CNIH1: variants seen among roughly 807,000 people sequenced by gnomAD.
CNIH1 encodes cornichon family member 1, also known as protein cornichon homolog 1.
In CNIH1, 12 loss-of-function variants were observed where a neutral mutation model predicts 20.2. The observed-to-expected ratio is 0.59, with a 90% CI of 0.38 to 0.96. CNIH1 has a LOEUF of 0.96. Ranked by LOEUF, CNIH1 falls within the 40% of genes least tolerant of loss-of-function variation. The pLI, the probability that CNIH1 is intolerant of heterozygous loss-of-function variation, is 0.00. For synonymous variants in CNIH1, 69 were observed against 63.3 expected, an observed-to-expected ratio of 1.09 and a Z score of -0.43; for missense variants, 152 against 178.8, an observed-to-expected ratio of 0.85 and a Z score of 0.85.
intron 2 of CNIH1, among the ~76,000 whole-genome samples, chr14:54,434,829 G>C (rs2031023961): frequency 6.6e-6 from 1 of 152,168 alleles, no homozygotes. Context: ...TCCAAGAGAA[G>C]GCAAATTCAT....
chr14:54,441,146 G>T, intron 1 of CNIH1, 101 bp downstream of exon 1: 1 of 1,195,738 alleles, frequency 8.4e-7, no homozygotes, highest in Non-Finnish European at 1.1e-6. Flanking sequence ...CATCCCCGAC[G>T]CGCAAAGCCC....
rs985631524 is a variant in CNIH1, at chr14:54,426,098, G to A, written c.*1716C>T. ...CCTGTGCTCAAAGCATGAATCTTGA[G>A]AGCCCAGCAAGTACTCAATAAATAA... is the stretch of plus-strand genomic sequence containing the variant. On this transcript the variant is annotated 3_prime_UTR_variant, in exon 5 of 5. Coordinates refer to ENST00000216416, the MANE Select transcript of CNIH1 (RefSeq NM_005776.3). 6.6e-6 allele frequency: 1 copy of A among 152,196 alleles called. No individual in the cohort carries two copies. The highest frequency in any genetic ancestry group is 1.5e-5 in the Non-Finnish European group (1 of 68,030). The allele number at this position is 152,196 out of a possible 1,614,324, so 9.4% of individuals were successfully genotyped here. A position where few individuals can be genotyped will look rare whatever the true frequency, so the allele number is the denominator to read the frequency against.
chr14:54,427,512 A>G lies in CNIH1; in HGVS notation c.*302T>C. The G allele has an allele frequency of 2.8e-6, 1 of 351,192 alleles. No homozygotes were observed. The highest frequency in any genetic ancestry group is 5.1e-6 in the Non-Finnish European group (1 of 194,746). The allele number at this position is 351,192 out of a possible 1,614,324, so 21.8% of individuals were successfully genotyped here. ...TACTAGGACAGTCAGTAATTAATGC[A>G]TCATTCAGAGGATTATGGCTGTTCC... On this transcript the variant is annotated 3_prime_UTR_variant, in exon 5 of 5. Coordinates refer to ENST00000216416, the MANE Select transcript of CNIH1 (RefSeq NM_005776.3).
At position 54,424,757 on chromosome 14, in the gene CNIH1, TAA is replaced by T. The variant is rs2030793585; in HGVS notation, c.*3055_*3056del. 1 of 152,198 alleles carries T rather than the reference TAA, an allele frequency of 6.6e-6. No individual in the cohort carries two copies. Among genetic ancestry groups the T allele is most frequent in the African/African-American group, 2.4e-5 (1 of 41,450 alleles). The allele number at this position is 152,198 out of a possible 1,614,324, so 9.4% of individuals were successfully genotyped here. A position where few individuals can be genotyped will look rare whatever the true frequency, so the allele number is the denominator to read the frequency against. On this transcript the variant is annotated 3_prime_UTR_variant, in exon 5 of 5. Coordinates refer to ENST00000216416, the MANE Select transcript of CNIH1 (RefSeq NM_005776.3). Reference sequence around the variant, plus strand: ...CAAGGTGAAAACACTGAACTGGCTTTAAAAGAGACACATACTGCAAACTGCTG... The same window carrying T: ...CAAGGTGAAAACACTGAACTGGCTTTAAGAGACACATACTGCAAACTGCTG...
In CNIH1 at chr14:54,424,860, A is replaced by T. The variant is rs541586509; in HGVS notation, c.*2954T>A. The T allele has an allele frequency of 6.6e-6, 1 of 152,330 alleles. No individual in the cohort carries two copies. Among genetic ancestry groups the T allele is most frequent in the East Asian group, 1.9e-4 (1 of 5,186 alleles). 9.4% of individuals were successfully genotyped at this position (152,330 alleles called of 1,614,324 possible). ...TGGTAGGTCTGTCAGTTCATGGTAC[A>T]ATCAGTGAGGCTAGGAAACTATTAC... is the stretch of plus-strand genomic sequence containing the variant. On this transcript the variant is annotated 3_prime_UTR_variant, in exon 5 of 5. Transcript: ENST00000216416.
intron 1 of CNIH1, among the ~76,000 whole-genome samples, chr14:54,439,561 T>C (rs1478943490): frequency 7.0e-6 from 1 of 142,768 alleles, no homozygotes; most frequent in Non-Finnish European, 1.6e-5. Context: ...TCTTTTTTTT[T>C]GTTTTTTTTT....
At chr14:54,435,104 A>C (rs561620536) in intron 2 of CNIH1, among the ~76,000 whole-genome samples, 108 of 152,360 alleles carry the variant, frequency 7.1e-4, no homozygotes, top group South Asian at 4.3e-3. Context: ...TTCGTTAAGT[A>C]ATTTTTAAAG....
chr14:54,433,749 T>A (rs1310793311), intron 2 of CNIH1, among the ~76,000 whole-genome samples: 2 of 152,156 alleles, frequency 1.3e-5, no homozygotes, highest in Admixed American at 1.3e-4. Context: ...TCATGCAAGG[T>A]TTTATCCTAC....
intron 1 of CNIH1, among the ~76,000 whole-genome samples, chr14:54,437,886 A>G (rs1292474428): frequency 6.6e-6 from 1 of 152,198 alleles, no homozygotes; most frequent in East Asian, 1.9e-4. Context: ...AATCATAAGT[A>G]CTTGTCTATA....
intron 1 of CNIH1, among the ~76,000 whole-genome samples, chr14:54,439,785 C>A (rs1428940231): frequency 1.3e-5 from 2 of 151,922 alleles, no homozygotes; most frequent in African/African-American, 4.8e-5. Flanking sequence ...CTCCTGACCT[C>A]GTGATCCTCC....
At chr14:54,432,333 A>C in intron 2 of CNIH1, 113 bp from the exon 3 acceptor site, 1 of 529,736 alleles carries the variant, frequency 1.9e-6, no homozygotes, top group Non-Finnish European at 3.4e-6. Flanking sequence ...GTTTTCTTAG[A>C]CTCAGAAATA....
Position 54,430,474 on chromosome 14 carries a change from C to G in CNIH1, c.264-70G>C, listed in dbSNP as rs1011846379. The stretch of plus-strand genomic sequence containing the variant: ...TGTTCAGATAAGAAAGCAGGTCTTT[C>G]TTCTAAAACATCTGTTACGAGAGGT... On this transcript the variant is annotated intron_variant, in intron 3 of 4. Coordinates refer to ENST00000216416, the MANE Select transcript of CNIH1 (RefSeq NM_005776.3). 1.0e-5 allele frequency: 15 copies of G among 1,441,176 alleles called. No homozygotes were observed. The African/African-American group carries it at 2.1e-4, about 20-fold the overall frequency. 89.3% of individuals were successfully genotyped at this position (1,441,176 alleles called of 1,614,324 possible). A position where few individuals can be genotyped will look rare whatever the true frequency, so the allele number is the denominator to read the frequency against.
chr14:54,430,516 C>T, intron 3 of CNIH1, 112 bp from the exon 4 acceptor site: 1 of 985,364 alleles, frequency 1.0e-6, no homozygotes, highest in Non-Finnish European at 1.5e-6. Context: ...TAAAGGGAAG[C>T]ATTCTTTTAC....
chr14:54,439,309 G>A (rs959565198), intron 1 of CNIH1, among the ~76,000 whole-genome samples: 1 of 151,654 alleles, frequency 6.6e-6, no homozygotes, highest in Non-Finnish European at 1.5e-5. Flanking sequence ...TGTATAACAC[G>A]ACTTAAAATT....
intron 2 of CNIH1, 151 bp downstream of exon 2, chr14:54,436,218 C>T (rs1010755638): frequency 8.6e-5 from 60 of 697,446 alleles, no homozygotes; most frequent in African/African-American, 5.0e-4. Context: ...TAGTCAAGCA[C>T]GACAGGAAAA....
At chr14:54,430,588 A>G (rs1280602436) in intron 3 of CNIH1, among the ~76,000 whole-genome samples, 184 bp from the exon 4 acceptor site, 1 of 152,256 alleles carries the variant, frequency 6.6e-6, no homozygotes, top group Non-Finnish European at 1.5e-5. Flanking sequence ...CTAAATGAGC[A>G]GAATGAGATA....
chr14:54,439,608 C>T (rs77826435), intron 1 of CNIH1, among the ~76,000 whole-genome samples: 2 of 150,826 alleles, frequency 1.3e-5, no homozygotes. Context: ...AGTGCAGTGG[C>T]GCCATCGCGG....
Position 54,432,148 on chromosome 14 carries a change from G to T in CNIH1, c.223C>A (p.Leu75Met), listed in dbSNP as rs746962526. The T allele has an allele frequency of 1.5e-5, 24 of 1,570,142 alleles. No individual in the cohort carries two copies. In the African/African-American group the frequency reaches 2.4e-4, roughly 16 times the overall value. Residue 75 changes from leucine to methionine, a missense_variant, in exon 3 of 5, where the codon CTG (leucine) becomes ATG (methionine). By Grantham distance (15) the Leu-to-Met change is conservative (BLOSUM62 2). This residue lies in a region of CNIH1 where 97 missense variants were observed against 100.6 expected (regional missense o/e 0.96). Coordinates refer to ENST00000216416, the MANE Select transcript of CNIH1 (RefSeq NM_005776.3). ...MFLCAAEWLT[L>M]GLNMPLLAYH... is the part of the protein sequence containing the mutation. ...GCCAAGAGGGGCATATTGAGACCCA[G>T]TGTAAGCCACTCTGCTGCACAAAGA... is the stretch of plus-strand genomic sequence containing the variant.
intron 4 of CNIH1, among the ~76,000 whole-genome samples, chr14:54,429,875 G>A (rs190422623): frequency 1.4e-4 from 21 of 152,300 alleles, no homozygotes; most frequent in African/African-American, 5.1e-4. Flanking sequence ...CACTTATGAA[G>A]AATGATAAGG....
Sources: allele counts gnomAD v4.1 joint callset (sites outside exome capture counted in the v4.1 genomes callset), GRCh38; gene constraint gnomAD v4.1.1; regional missense constraint gnomAD v4.1.1; transcripts MANE v1.5; gene names NCBI Gene and HGNC (gene_info 2026-07-23, HGNC 2026-07-21).